The following STRADB variants were observed in gnomAD, a reference collection of about 807,000 sequenced individuals.
The protein encoded by STRADB is STE20-related kinase adapter protein beta.
STRADB carries 34 observed loss-of-function variants against 52.1 expected under a neutral mutation model. That is an observed-to-expected ratio of 0.65 (90% CI 0.50 to 0.87). The LOEUF is 0.87. Ranked by LOEUF, STRADB falls within the 40% of genes least tolerant of loss-of-function variation. The pLI is 0.00. For missense variants in STRADB, 340 were observed against 483.9 expected (o/e 0.70, Z 2.79); for synonymous variants, 133 against 174.5 (o/e 0.76, Z 1.87).
chr2:201,458,475 CAG>C (rs1483219111), intron 2 of STRADB, among the ~76,000 whole-genome samples: 1 of 151,722 alleles, frequency 6.6e-6, no homozygotes, highest in Non-Finnish European at 1.5e-5. Context: ...TGTTGACAGA[CAG>C]AGTTAAAAAT....
At chr2:201,473,190 T>A in intron 5 of STRADB, 114 bp downstream of exon 5, 5 of 913,060 alleles carry the variant, frequency 5.5e-6, no homozygotes, top group Non-Finnish European at 7.5e-6. Flanking sequence ...AATAATACAA[T>A]AAAAAATAGT....
chr2:201,474,607 G>A, intron 5 of STRADB, 40 bp from the exon 6 acceptor site: 1 of 1,550,000 alleles, frequency 6.5e-7, no homozygotes, highest in Non-Finnish European at 8.8e-7. Flanking sequence ...GGAAAAAACA[G>A]TTGTTTTTAA....
At chr2:201,462,886 A>G (rs1259093626) in intron 3 of STRADB, among the ~76,000 whole-genome samples, 2 of 152,190 alleles carry the variant, frequency 1.3e-5, no homozygotes, top group African/African-American at 4.8e-5. Context: ...ACCTTCAGAT[A>G]ATTTCTTACT....
intron 7 of STRADB, 79 bp downstream of exon 7, chr2:201,475,821 T>C (rs1952462892): frequency 6.9e-7 from 1 of 1,451,670 alleles, no homozygotes; most frequent in Non-Finnish European, 9.3e-7. Context: ...GAAGGAGCAG[T>C]TGAATATTAG....
At chr2:201,471,479 G>A (rs1268284465) in intron 4 of STRADB, among the ~76,000 whole-genome samples, 3 of 152,194 alleles carry the variant, frequency 2.0e-5, no homozygotes, top group African/African-American at 7.2e-5. Context: ...GACAATAATA[G>A]CATCTAACAG....
chr2:201,473,694 C>T (rs1451340709), intron 5 of STRADB, among the ~76,000 whole-genome samples: 1 of 152,128 alleles, frequency 6.6e-6, no homozygotes, highest in Non-Finnish European at 1.5e-5. Flanking sequence ...TAGTCAGTCC[C>T]ATCCTAAATA....
At position 201,454,794 on chromosome 2, in the gene STRADB, G is replaced by A. The variant is rs777640221; in HGVS notation, c.-47G>A. 1.9e-6 allele frequency: 3 copies of A among 1,579,244 alleles called. No homozygotes were observed. Among genetic ancestry groups the A allele is most frequent in the Admixed American group, 3.6e-5 (2 of 54,982 alleles). On this transcript the variant is annotated 5_prime_UTR_variant, in exon 2 of 12. Coordinates refer to ENST00000194530, the MANE Select transcript of STRADB (RefSeq NM_018571.6). ...GGAAGATAAAACAAAAGCCTTCTTT[G>A]GAATAGATGGATTTTTGTCACTTTC...
chr2:201,475,447 T>A (rs539371045), intron 6 of STRADB, among the ~76,000 whole-genome samples, 172 bp from the exon 7 acceptor site: 1 of 152,292 alleles, frequency 6.6e-6, no homozygotes, highest in Admixed American at 6.5e-5. Context: ...TTACAAAAAA[T>A]TGTTTAAAGA....
At chr2:201,457,930 A>G (rs1952151587) in intron 2 of STRADB, among the ~76,000 whole-genome samples, 1 of 152,154 alleles carries the variant, frequency 6.6e-6, no homozygotes, top group African/African-American at 2.4e-5. Context: ...AAGTTGAGGC[A>G]GGAGAATTGC....
chr2:201,464,207 T>C (rs992358855), intron 3 of STRADB, among the ~76,000 whole-genome samples: 8 of 152,174 alleles, frequency 5.3e-5, no homozygotes, highest in Non-Finnish European at 7.4e-5. Flanking sequence ...GCTGAACTTA[T>C]TTGTACCCAT....
Position 201,478,137 on chromosome 2 carries a change from A to G in STRADB, c.771A>G (p.Thr257=), listed in dbSNP as rs1433716698. The change falls in exon 9 of 12, where the codon ACA becomes ACG. Residue 257 remains threonine (T), a synonymous_variant. Coordinates refer to ENST00000194530, the MANE Select transcript of STRADB (RefSeq NM_018571.6). ...VKSDIYSVGI[T]ACELASGQVP... The stretch of plus-strand genomic sequence containing the variant: ...CAGATATTTACAGTGTTGGGATTAC[A>G]GCATGTGAATTAGCCAGTGGGCAGG... The G allele has an allele frequency of 3.7e-6, 6 of 1,613,876 alleles. No homozygotes were observed. Among genetic ancestry groups the G allele is most frequent in the Non-Finnish European group, 5.1e-6 (6 of 1,179,934 alleles).
chr2:201,454,355 A>G (rs553981195), intron 1 of STRADB, among the ~76,000 whole-genome samples: 1 of 152,326 alleles, frequency 6.6e-6, no homozygotes, highest in South Asian at 2.1e-4. Flanking sequence ...GGTTTATTGT[A>G]AGTGACACTG....
chr2:201,464,324 A>C (rs778068784), intron 3 of STRADB, among the ~76,000 whole-genome samples: 4 of 151,994 alleles, frequency 2.6e-5, no homozygotes, highest in African/African-American at 4.8e-5. Context: ...AAGCCCAGCA[A>C]AACTGTGACT....
At position 201,462,361 on chromosome 2, in the gene STRADB, C is replaced by T. The variant is rs545441182; in HGVS notation, c.93+3497C>T. ...AATCTTTTTTTAATCGATTCAGCTA[C>T]TCTATGTCTATTCATTGGAGAGTTT... On this transcript the variant is annotated intron_variant, in intron 3 of 11. Transcript: ENST00000194530. Among the ~76,000 whole-genome samples the T allele has an allele frequency of 1.1e-4, 17 of 152,216 alleles. No individual in the cohort carries two copies. In the East Asian group the frequency reaches 3.3e-3, roughly 29 times the overall value.
chr2:201,466,220 T>A (rs965373917), intron 3 of STRADB, among the ~76,000 whole-genome samples: 1 of 152,154 alleles, frequency 6.6e-6, no homozygotes, highest in Non-Finnish European at 1.5e-5. Flanking sequence ...GGAAAGTGAT[T>A]CTTGTCTCCA....
chr2:201,464,032 T>G (rs755869346), intron 3 of STRADB, among the ~76,000 whole-genome samples: 2 of 152,184 alleles, frequency 1.3e-5, no homozygotes, highest in Non-Finnish European at 2.9e-5. Context: ...CTATTTCAAC[T>G]TCTCTGTCTG....
intron 3 of STRADB, among the ~76,000 whole-genome samples, chr2:201,466,068 C>A (rs578240931): frequency 6.6e-6 from 1 of 152,122 alleles, no homozygotes; most frequent in Non-Finnish European, 1.5e-5. Flanking sequence ...TACAAAGGTG[C>A]CTTCTTGTTT....
chr2:201,452,868 T>C (rs187429788), intron 1 of STRADB, among the ~76,000 whole-genome samples: 2 of 152,370 alleles, frequency 1.3e-5, no homozygotes, highest in Admixed American at 1.3e-4. Flanking sequence ...AAATTACTTA[T>C]AAAGCTTTAT....
chr2:201,478,706 T>C (rs1319578379), intron 10 of STRADB, 105 bp downstream of exon 10: 1 of 1,268,258 alleles, frequency 7.9e-7, no homozygotes, highest in Admixed American at 2.6e-5. Context: ...TTGATCAAAA[T>C]ATTGTCTGCT....
Sources: allele counts gnomAD v4.1 joint callset (sites outside exome capture counted in the v4.1 genomes callset), GRCh38; gene constraint gnomAD v4.1.1; transcripts MANE v1.5; gene names NCBI Gene and HGNC (gene_info 2026-07-23, HGNC 2026-07-21).